The following NOS1AP variants were observed in gnomAD, a reference collection of about 807,000 sequenced individuals.
NOS1AP encodes the protein nitric oxide synthase 1 adaptor protein.
Under a neutral mutation model 56.2 loss-of-function variants are expected in NOS1AP, and 21 were observed. The ratio of observed to expected loss-of-function variants is 0.37; its 90% confidence interval spans 0.26 to 0.54. The LOEUF (loss-of-function observed/expected upper bound fraction) is 0.54, where lower values mean the gene tolerates loss of function less well. Ranked by LOEUF, NOS1AP falls within the 20% of genes least tolerant of loss-of-function variation. The probability of loss-of-function intolerance (pLI) is 0.84; values close to 1 mark genes in which losing one functional copy is unlikely to be tolerated. For synonymous variants in NOS1AP, 270 were observed against 274.6 expected, an observed-to-expected ratio of 0.98 and a Z score of 0.17; for missense variants, 522 against 657.8, an observed-to-expected ratio of 0.79 and a Z score of 2.26.
chr1:162,177,121 G>A (rs946448527), intron 2 of NOS1AP, among the ~76,000 whole-genome samples: 39 of 152,216 alleles, frequency 2.6e-4, no homozygotes, highest in African/African-American at 8.7e-4. Flanking sequence ...GCCTGTAAGT[G>A]GTAAGCATTG....
At chr1:162,191,045 A>T (rs905574474) in intron 2 of NOS1AP, among the ~76,000 whole-genome samples, 1 of 152,108 alleles carries the variant, frequency 6.6e-6, no homozygotes, top group Non-Finnish European at 1.5e-5. Flanking sequence ...CTGAATGGGC[A>T]GGGGCCCTGT....
At chr1:162,217,642 G>A (rs1571136421) in intron 2 of NOS1AP, among the ~76,000 whole-genome samples, 1 of 152,122 alleles carries the variant, frequency 6.6e-6, no homozygotes, top group Non-Finnish European at 1.5e-5. Context: ...TGCCAGCGAG[G>A]CAGAGTGAGA....
At chr1:162,352,351 G>A (rs768385596) in intron 6 of NOS1AP, among the ~76,000 whole-genome samples, 11 of 150,844 alleles carry the variant, frequency 7.3e-5, no homozygotes, top group Admixed American at 3.9e-4. Context: ...GAGCCACCGC[G>A]CCTGGCCTGC....
chr1:162,131,223 C>G (rs1648734348), intron 1 of NOS1AP, among the ~76,000 whole-genome samples: 1 of 151,988 alleles, frequency 6.6e-6, no homozygotes, highest in African/African-American at 2.4e-5. Flanking sequence ...CTTGCGGGCT[C>G]TCAGTGCAGT....
chr1:162,226,120 C>G (rs1222954956), intron 2 of NOS1AP, among the ~76,000 whole-genome samples: 2 of 151,482 alleles, frequency 1.3e-5, no homozygotes, highest in African/African-American at 2.4e-5. Flanking sequence ...ATGGAGAAAC[C>G]CTGTCTCTAC....
chr1:162,099,230 C>CA (rs1166960812), intron 1 of NOS1AP, among the ~76,000 whole-genome samples: 1 of 151,548 alleles, frequency 6.6e-6, no homozygotes, highest in South Asian at 2.1e-4. Flanking sequence ...CTCGCTCTGC[C>CA]AGGCTGCAGT....
Position 162,081,774 on chromosome 1 carries a change from A to ATAGATATATATT in NOS1AP, c.105+11493_105+11494insAGATATATATTT. Among the ~76,000 whole-genome samples, 5 of 44,060 alleles carry ATAGATATATATT rather than the reference A, an allele frequency of 1.1e-4. No individual in the cohort carries two copies. The South Asian group carries it at 3.0e-3, about 26-fold the overall frequency. The allele number at this position is 44,060 out of a possible 152,430, so 28.9% of individuals were successfully genotyped here. A position where few individuals can be genotyped will look rare whatever the true frequency, so the allele number is the denominator to read the frequency against. On this transcript the variant is annotated intron_variant, in intron 1 of 9. Transcript: ENST00000361897. ...TCTATAGATATATATATATATATAT[A>ATAGATATATATT]TTTTTTTTTTGTAGAGATGGGTTTT...
chr1:162,119,617 A>G (rs1016705662), intron 1 of NOS1AP, among the ~76,000 whole-genome samples: 2 of 152,168 alleles, frequency 1.3e-5, no homozygotes, highest in African/African-American at 2.4e-5. Context: ...GTTTAAGAGA[A>G]GTATTAGGAA....
At position 162,244,943 on chromosome 1, in the gene NOS1AP, T is replaced by C. The variant is rs144369580; in HGVS notation, c.178-42401T>C. Among the ~76,000 whole-genome samples the C allele has an allele frequency of 1.0e-3, 153 of 152,282 alleles. 4 individuals carry two copies. In the East Asian group the frequency reaches 0.028, roughly 28 times the overall value. ...TTTGAGTAACAAGGATATGAGAAGA[T>C]CTACTTCCTAACTATGGCTATATAG... On this transcript the variant is annotated intron_variant, in intron 2 of 9. Transcript: ENST00000361897.
intron 4 of NOS1AP, 100 bp downstream of exon 4, chr1:162,300,806 A>G: frequency 1.0e-6 from 1 of 976,564 alleles, no homozygotes. Flanking sequence ...AAATTTAAAT[A>G]AACTTCTATG....
rs183374938 is a variant in NOS1AP at position 162,257,130 on chromosome 1, C to T, written c.178-30214C>T. Reference sequence around the variant, plus strand: ...TATCCAAGATAATAAAAAATTAGCTCATTACATAGCCAGCTGCATTCATAC... The same window carrying T: ...TATCCAAGATAATAAAAAATTAGCTTATTACATAGCCAGCTGCATTCATAC... On this transcript the variant is annotated intron_variant, in intron 2 of 9. Transcript: ENST00000361897. Among the ~76,000 whole-genome samples, 3 of 152,244 alleles carry T rather than the reference C, an allele frequency of 2.0e-5. No individual in the cohort carries two copies. In the East Asian group the frequency reaches 5.8e-4, roughly 29 times the overall value.
chr1:162,174,265 T>G (rs1217770706), intron 2 of NOS1AP, among the ~76,000 whole-genome samples: 1 of 151,968 alleles, frequency 6.6e-6, no homozygotes, highest in Non-Finnish European at 1.5e-5. Context: ...TGTAGGGACA[T>G]GGATGAAGCT....
At chr1:162,334,936 C>T (rs746082795) in intron 5 of NOS1AP, among the ~76,000 whole-genome samples, 1 of 152,096 alleles carries the variant, frequency 6.6e-6, no homozygotes, top group Non-Finnish European at 1.5e-5. Flanking sequence ...AGCAGGAAAC[C>T]TAGGTAAGAG....
At chr1:162,300,335 C>T (rs1482288000) in intron 3 of NOS1AP, among the ~76,000 whole-genome samples, 1 of 152,190 alleles carries the variant, frequency 6.6e-6, no homozygotes, top group Non-Finnish European at 1.5e-5. Context: ...AATTAACCTA[C>T]CTAGCTTGTC....
In NOS1AP at chr1:162,356,990, G is replaced by A. The variant is rs766561531; in HGVS notation, c.793G>A (p.Ala265Thr). Residue 265 changes from alanine to threonine, a missense_variant, in exon 8 of 10, where the codon GCC becomes ACC. Transcript: ENST00000361897. Reference sequence around the variant, plus strand: ...GCACCCCCAGGAGCCCATGCTGACAGCCTCACCCAGGATGCTGCTCCCTTC... The same window carrying A: ...GCACCCCCAGGAGCCCATGCTGACAACCTCACCCAGGATGCTGCTCCCTTC... The part of the protein sequence containing the change: ...VSHPQEPMLT[A>T]SPRMLLPSSS... 8 of 1,614,120 alleles carry A rather than the reference G, an allele frequency of 5.0e-6. No homozygotes were observed. In the South Asian group the frequency reaches 6.6e-5, roughly 13 times the overall value.
At chr1:162,105,509 T>C (rs1459302603) in intron 1 of NOS1AP, among the ~76,000 whole-genome samples, 2 of 152,230 alleles carry the variant, frequency 1.3e-5, no homozygotes, top group Non-Finnish European at 2.9e-5. Flanking sequence ...CTGGAACAGC[T>C]AAGTCTACCA....
intron 1 of NOS1AP, among the ~76,000 whole-genome samples, chr1:162,127,527 T>TAA (rs76852734): frequency 1.6e-3 from 177 of 113,570 alleles, no homozygotes; most frequent in African/African-American, 5.3e-3. Context: ...GGGTACTTTA[T>TAA]AAAAAAAAAA....
At chr1:162,091,843 T>C (rs1430519671) in intron 1 of NOS1AP, among the ~76,000 whole-genome samples, 2 of 152,146 alleles carry the variant, frequency 1.3e-5, no homozygotes, top group African/African-American at 4.8e-5. Context: ...TTGCTCTAAT[T>C]GATCTGTCAA....
chr1:162,106,129 G>A (rs1400981690), intron 1 of NOS1AP, among the ~76,000 whole-genome samples: 1 of 152,166 alleles, frequency 6.6e-6, no homozygotes, highest in Non-Finnish European at 1.5e-5. Context: ...GCTCATGAGG[G>A]GATCTCCTGA....
Sources: gnomAD v4.1 joint callset for allele counts (sites outside exome capture counted in the v4.1 genomes callset) on GRCh38, gnomAD v4.1.1 for gene constraint, MANE v1.5 for transcripts, NCBI Gene and HGNC (gene_info 2026-07-23, HGNC 2026-07-21) for gene names.